The following SMAD7 variants were observed in gnomAD, a reference collection of about 807,000 sequenced individuals.
The protein encoded by SMAD7 is MAD (mothers against decapentaplegic, Drosophila) homolog 7.
In SMAD7, 8 loss-of-function variants were observed where a neutral mutation model predicts 38.7. The observed-to-expected ratio is 0.21, with a 90% CI of 0.12 to 0.37. The LOEUF is 0.37. Among genes scored for constraint, SMAD7 ranks in the 10% least tolerant of loss-of-function variants. The pLI is 1.00. For missense variants in SMAD7, 477 were observed against 577.9 expected (o/e 0.83, Z 1.79); for synonymous variants, 327 against 265.1 (o/e 1.23, Z -2.27).
intron 3 of SMAD7, among the ~76,000 whole-genome samples, chr18:48,934,418 C>G (rs1158398915): frequency 2.6e-5 from 4 of 151,202 alleles, no homozygotes; most frequent in African/African-American, 9.8e-5. Context: ...GGTAAAAAGG[C>G]TAAAGGCGTG....
chr18:48,935,877 G>C (rs1307243628), intron 3 of SMAD7, among the ~76,000 whole-genome samples: 1 of 151,964 alleles, frequency 6.6e-6, no homozygotes, highest in East Asian at 1.9e-4. Flanking sequence ...TTAGGAGTTC[G>C]AGACCAGTCT....
chr18:48,943,988 A>AG (rs559375847), intron 2 of SMAD7, among the ~76,000 whole-genome samples: 2 of 152,254 alleles, frequency 1.3e-5, no homozygotes, highest in African/African-American at 4.8e-5. Flanking sequence ...TGCGGTGGGT[A>AG]GGGGGAAAGA....
intron 3 of SMAD7, among the ~76,000 whole-genome samples, chr18:48,940,535 G>A (rs1328849948): frequency 1.3e-5 from 2 of 151,978 alleles, no homozygotes; most frequent in Non-Finnish European, 2.9e-5. Context: ...TGGATCATCC[G>A]AGGTCAGGAG....
Position 48,950,329 on chromosome 18 carries a change from T to C in SMAD7, c.96A>G (p.Gly32=), listed in dbSNP as rs886276802. The C allele has an allele frequency of 4.6e-6, 7 of 1,538,310 alleles. No individual in the cohort carries two copies. Among genetic ancestry groups the C allele is most frequent in the Non-Finnish European group, 6.1e-6 (7 of 1,142,214 alleles). Residue 32 remains glycine (G), a synonymous_variant, in exon 1 of 4, where the codon GGA becomes GGG. Coordinates refer to ENST00000262158, the MANE Select transcript of SMAD7 (RefSeq NM_005904.4). The part of the protein sequence containing the change: ...EDEEEGAGGG[G]GGGELRGEGA... ...CTTCTCCCCGCAGCTCGCCTCCTCC[T>C]CCACCTCCCCCTGCGCCCTCCTCCT...
chr18:48,943,258 C>T (rs1323965824), intron 2 of SMAD7, among the ~76,000 whole-genome samples: 1 of 152,194 alleles, frequency 6.6e-6, no homozygotes, highest in Non-Finnish European at 1.5e-5. Context: ...CAACCCCAGA[C>T]CTGCTAAGGC....
intron 3 of SMAD7, among the ~76,000 whole-genome samples, chr18:48,938,801 G>A (rs986852601): frequency 6.6e-6 from 1 of 152,128 alleles, no homozygotes; most frequent in Non-Finnish European, 1.5e-5. Flanking sequence ...CCATCTCCAC[G>A]ACGGAGCTGA....
chr18:48,923,283 G>T (rs965664503), intron 3 of SMAD7, among the ~76,000 whole-genome samples: 9 of 152,192 alleles, frequency 5.9e-5, no homozygotes, highest in African/African-American at 2.2e-4. Flanking sequence ...TGTGGCCTTT[G>T]TGTTTCTGGA....
At chr18:48,937,400 C>G (rs771390631) in intron 3 of SMAD7, among the ~76,000 whole-genome samples, 1 of 152,074 alleles carries the variant, frequency 6.6e-6, no homozygotes, top group Non-Finnish European at 1.5e-5. Flanking sequence ...TTTGCTGGCC[C>G]AGTTCAGCCT....
intron 3 of SMAD7, among the ~76,000 whole-genome samples, chr18:48,934,775 GA>G (rs915005446): frequency 1.9e-4 from 27 of 141,336 alleles, no homozygotes; most frequent in East Asian, 6.2e-4. Context: ...TGGAAGGGAA[GA>G]AAAAAAAAAC....
Position 48,921,402 on chromosome 18 carries a change from G to A in SMAD7, c.1251C>T (p.Cys417=), listed in dbSNP as rs775081707. 2 of 1,613,872 alleles carry A rather than the reference G, an allele frequency of 1.2e-6. No homozygotes were observed. The highest frequency in any genetic ancestry group is 1.7e-6 in the Non-Finnish European group (2 of 1,179,772). ...YTRQFISSCP[C]WLEVIFNSR ...GGCTGTTGAAGATGACCTCTAGCCA[G>A]CACGGGCAGCTGCTGATGAACTGGC... The change falls in exon 4 of 4, where the codon TGC becomes TGT. Residue 417 remains cysteine, a synonymous_variant. Coordinates refer to ENST00000262158, the MANE Select transcript of SMAD7 (RefSeq NM_005904.4). The surrounding 1 kb of genome is among the most constrained non-coding windows in gnomAD (Gnocchi z 6.4).
At chr18:48,939,702 G>C (rs751564527) in intron 3 of SMAD7, among the ~76,000 whole-genome samples, 1 of 151,912 alleles carries the variant, frequency 6.6e-6, no homozygotes, top group Non-Finnish European at 1.5e-5. Flanking sequence ...CATTAAGCCC[G>C]CTCTCAGCCA....
At chr18:48,931,981 C>A (rs929562406) in intron 3 of SMAD7, among the ~76,000 whole-genome samples, 2 of 134,984 alleles carry the variant, frequency 1.5e-5, no homozygotes, top group Non-Finnish European at 3.4e-5. Flanking sequence ...AGAAAACAGC[C>A]CCCCCAGCAG....
chr18:48,931,977 C>CA (rs1041335518), intron 3 of SMAD7, among the ~76,000 whole-genome samples: 3 of 106,362 alleles, frequency 2.8e-5, no homozygotes, highest in African/African-American at 2.0e-4. Flanking sequence ...CCCCAGAAAA[C>CA]AGCCCCCCCA....
chr18:48,943,856 T>C (rs2070168789), intron 2 of SMAD7, among the ~76,000 whole-genome samples: 1 of 152,158 alleles, frequency 6.6e-6, no homozygotes, highest in African/African-American at 2.4e-5. Context: ...AATGCTAAGT[T>C]TCTCTCTCTA....
At chr18:48,925,840 G>A (rs2069921230) in intron 3 of SMAD7, among the ~76,000 whole-genome samples, 1 of 151,944 alleles carries the variant, frequency 6.6e-6, no homozygotes, top group African/African-American at 2.4e-5. Flanking sequence ...TCCGCCTCCC[G>A]GGTTCACGCC....
intron 3 of SMAD7, among the ~76,000 whole-genome samples, chr18:48,925,429 G>T (rs1442537939): frequency 2.5e-5 from 1 of 39,816 alleles, no homozygotes; most frequent in Admixed American, 4.2e-4. Context: ...CCTTTAAGGT[G>T]TTGCCCCCCC....
chr18:48,934,204 G>A (rs370700478), intron 3 of SMAD7, among the ~76,000 whole-genome samples: 16 of 152,208 alleles, frequency 1.1e-4, no homozygotes, highest in East Asian at 1.9e-4. Context: ...GCACAGCACC[G>A]TTACTGGACA....
At chr18:48,922,256 A>G (rs920381753) in intron 3 of SMAD7, among the ~76,000 whole-genome samples, 6 of 152,212 alleles carry the variant, frequency 3.9e-5, no homozygotes, top group African/African-American at 1.4e-4. Context: ...GTCTGCTTTT[A>G]GGGCCTCAAA....
intron 1 of SMAD7, among the ~76,000 whole-genome samples, chr18:48,948,867 G>A (rs2070228282): frequency 6.6e-6 from 1 of 152,274 alleles, no homozygotes; most frequent in Non-Finnish European, 1.5e-5. Context: ...CACTCGCGCG[G>A]GGGACACGGG....
Sources: gnomAD v4.1 joint callset for allele counts (sites outside exome capture counted in the v4.1 genomes callset) on GRCh38, gnomAD v4.1.1 for gene constraint, Gnocchi (gnomAD v3.1) non-coding constraint, MANE v1.5 for transcripts, NCBI Gene and HGNC (gene_info 2026-07-23, HGNC 2026-07-21) for gene names.